SOX5: variants seen among roughly 807,000 people sequenced by gnomAD.
SOX5 encodes the protein transcription factor SOX-5.
In SOX5, 9 loss-of-function variants were observed where a neutral mutation model predicts 92.0. The ratio of observed to expected loss-of-function variants is 0.10; its 90% CI spans 0.06 to 0.17. The LOEUF is 0.17. Among genes scored for constraint, SOX5 ranks in the 10% least tolerant of loss-of-function variants. SOX5 has a pLI of 1.00. For synonymous variants in SOX5, 344 were observed against 336.3 expected, an observed-to-expected ratio of 1.02 and a Z score of -0.25; for missense variants, 642 against 944.5, an observed-to-expected ratio of 0.68 and a Z score of 4.20.
At chr12:23,840,284 TG>T (rs1023325074) in intron 3 of SOX5, among the ~76,000 whole-genome samples, 7 of 152,120 alleles carry the variant, frequency 4.6e-5, no homozygotes, top group Non-Finnish European at 8.8e-5. Context: ...TAACAAAGTA[TG>T]TTTAAGATCT....
Position 24,204,327 on chromosome 12 carries a change from A to ATTATTATT in SOX5, c.-2+9015_-2+9016insAATAATAA, listed in dbSNP as rs33920840. Among the ~76,000 whole-genome samples the ATTATTATT allele has an allele frequency of 2.5e-4, 37 of 149,958 alleles. No homozygotes were observed. In the East Asian group the frequency reaches 2.7e-3, roughly 11 times the overall value. Reference sequence around the variant, plus strand: ...TTTTTCCATTATTATTATTATTATTAATTATTATTATTATTATTTGAGATG... The same window carrying ATTATTATT: ...TTTTTCCATTATTATTATTATTATTATTATTATTATTATTATTATTATTATTTGAGATG... On this transcript the variant is annotated intron_variant, in intron 4 of 4. Transcript: ENST00000446891.
intron 6 of SOX5, among the ~76,000 whole-genome samples, chr12:23,722,439 T>C (rs999999358): frequency 5.1e-4 from 78 of 152,208 alleles, no homozygotes; most frequent in African/African-American, 1.8e-3. Context: ...ATTCAGGTGT[T>C]CTGAGGCATC....
chr12:23,730,690 A>G (rs190363060), intron 6 of SOX5, among the ~76,000 whole-genome samples: 2 of 152,336 alleles, frequency 1.3e-5, no homozygotes, highest in East Asian at 3.9e-4. Context: ...TAGTTCATAA[A>G]GAACTGATCC....
intron 3 of SOX5, among the ~76,000 whole-genome samples, chr12:23,826,181 T>C (rs373489409): frequency 0.023 from 1,689 of 73,520 alleles, 34 homozygotes; most frequent in African/African-American, 0.075. Context: ...CCCCTCCCCC[T>C]ACCCCACAAC....
intron 4 of SOX5, among the ~76,000 whole-genome samples, chr12:24,159,750 CA>C (rs1461147971): frequency 1.3e-5 from 2 of 151,946 alleles, no homozygotes; most frequent in African/African-American, 4.8e-5. Flanking sequence ...ACAACTCATT[CA>C]ACACTCAAAT....
At chr12:24,318,830 G>C (rs939089801) in intron 2 of SOX5, among the ~76,000 whole-genome samples, 10 of 152,166 alleles carry the variant, frequency 6.6e-5, no homozygotes, top group African/African-American at 2.4e-4. Flanking sequence ...GTAATACTGA[G>C]CCTTCAGTGA....
chr12:23,778,731 C>A (rs2141697569), intron 3 of SOX5, among the ~76,000 whole-genome samples: 1 of 152,114 alleles, frequency 6.6e-6, no homozygotes, highest in African/African-American at 2.4e-5. Flanking sequence ...TGTTGCAGGC[C>A]CTTTTACCTA....
At chr12:23,982,116 T>C (rs12581992) in intron 4 of SOX5, among the ~76,000 whole-genome samples, 58,605 of 151,974 alleles carry the variant, frequency 0.39, 11,650 homozygotes, top group East Asian at 0.56. Context: ...CGAACGAACA[T>C]TTGAACCTGA....
intron 3 of SOX5, among the ~76,000 whole-genome samples, chr12:23,810,194 G>T (rs1224299224): frequency 6.6e-6 from 1 of 152,008 alleles, no homozygotes; most frequent in African/African-American, 2.4e-5. Flanking sequence ...TTGACTTATT[G>T]TTCATTGAAT....
chr12:24,517,256 A>T (rs1237170609), intron 1 of SOX5, among the ~76,000 whole-genome samples: 1 of 152,196 alleles, frequency 6.6e-6, no homozygotes. Flanking sequence ...CAAATTCTGA[A>T]TAGCTTGTAA....
At chr12:23,545,110 G>A (rs531439862) in intron 12 of SOX5, among the ~76,000 whole-genome samples, 1 of 152,296 alleles carries the variant, frequency 6.6e-6, no homozygotes, top group Admixed American at 6.5e-5. Context: ...TCAACGTTCA[G>A]GTTTGTTTAG....
At chr12:23,894,757 T>G (rs534462462) in intron 2 of SOX5, among the ~76,000 whole-genome samples, 2 of 152,300 alleles carry the variant, frequency 1.3e-5, no homozygotes, top group African/African-American at 2.4e-5. Context: ...AGTATATTTA[T>G]GACAGGCAAT....
intron 4 of SOX5, among the ~76,000 whole-genome samples, chr12:23,967,686 T>C (rs1225340601): frequency 1.3e-5 from 2 of 152,112 alleles, no homozygotes; most frequent in African/African-American, 4.8e-5. Context: ...AATAATAACA[T>C]AGCTTTGGTT....
intron 7 of SOX5, among the ~76,000 whole-genome samples, chr12:23,662,747 T>C (rs1330448183): frequency 6.6e-6 from 1 of 152,206 alleles, no homozygotes; most frequent in Non-Finnish European, 1.5e-5. Context: ...GTCCCAGAGA[T>C]TTTAAAATTT....
intron 4 of SOX5, among the ~76,000 whole-genome samples, chr12:24,138,121 A>T (rs1035097582): frequency 2.0e-5 from 3 of 152,216 alleles, no homozygotes; most frequent in African/African-American, 7.2e-5. Flanking sequence ...TTTGTATTTC[A>T]TTCTTAAACA....
intron 1 of SOX5, among the ~76,000 whole-genome samples, chr12:24,559,055 G>GCAA (rs1954083594): frequency 6.6e-6 from 1 of 152,150 alleles, no homozygotes; most frequent in Admixed American, 6.5e-5. Flanking sequence ...TTACAAATGG[G>GCAA]TGTTTTAAAA....
intron 11 of SOX5, among the ~76,000 whole-genome samples, chr12:23,554,214 C>T (rs1432429972): frequency 6.6e-6 from 1 of 152,002 alleles, no homozygotes; most frequent in Admixed American, 6.6e-5. Context: ...TTTTTGCTTT[C>T]TTGGTTCTTT....
intron 4 of SOX5, among the ~76,000 whole-genome samples, chr12:23,976,101 A>G (rs1948860075): frequency 6.6e-6 from 1 of 152,148 alleles, no homozygotes; most frequent in Non-Finnish European, 1.5e-5. Context: ...CCATTTTAAA[A>G]ATAAAAGTTG....
intron 3 of SOX5, among the ~76,000 whole-genome samples, chr12:24,232,832 C>T (rs1355896834): frequency 1.3e-5 from 2 of 152,164 alleles, no homozygotes; most frequent in African/African-American, 2.4e-5. Flanking sequence ...TTGAGACATT[C>T]CATATAATAT....
Sources: gnomAD v4.1 joint callset for allele counts (sites outside exome capture counted in the v4.1 genomes callset) on GRCh38, gnomAD v4.1.1 for gene constraint, MANE v1.5 for transcripts, NCBI Gene and HGNC (gene_info 2026-07-23, HGNC 2026-07-21) for gene names.